PCDH7: variants seen among roughly 807,000 people sequenced by gnomAD.
The protein encoded by PCDH7 is protocadherin-7.
In PCDH7, 17 loss-of-function variants were observed where a neutral mutation model predicts 58.9. The observed-to-expected ratio is 0.29, with a 90% confidence interval of 0.20 to 0.43. PCDH7 has a LOEUF of 0.43. Among genes scored for constraint, PCDH7 ranks in the 20% least tolerant of loss-of-function variants. The pLI, the probability that PCDH7 is intolerant of heterozygous loss-of-function variation, is 1.00. For synonymous variants in PCDH7, 664 were observed against 616.4 expected (o/e 1.08, Z -1.14); for missense variants, 1,274 against 1,441.0 (o/e 0.88, Z 1.88).
Position 30,807,868 on chromosome 4 carries a change from C to T in PCDH7, c.70+83272C>T, listed in dbSNP as rs907064246. 5.3e-5 allele frequency among the ~76,000 whole-genome samples: 8 copies of T among 152,110 alleles called. No individual in the cohort carries two copies. The East Asian group carries it at 9.6e-4, about 18-fold the overall frequency. ...ATTTCATAAATTCTAAACTGAGATG[C>T]TTAATTAGAGCTTAAATTTATGGAG... On this transcript the variant is annotated intron_variant, in intron 1 of 3. Coordinates refer to the PCDH7 transcript ENST00000509759.
intron 1 of PCDH7, among the ~76,000 whole-genome samples, chr4:30,902,557 A>G (rs1740361970): frequency 6.6e-6 from 1 of 152,150 alleles, no homozygotes; most frequent in African/African-American, 2.4e-5. Context: ...AAACATTTTA[A>G]TAGGCTATAA....
chr4:31,016,955 A>G (rs1177959815), intron 3 of PCDH7, among the ~76,000 whole-genome samples: 5 of 146,714 alleles, frequency 3.4e-5, no homozygotes, highest in Non-Finnish European at 6.0e-5. Flanking sequence ...GGGTGTGTGT[A>G]TGTGTTTGTG....
chr4:31,144,470 G>A (rs1720546975), downstream of PCDH7: 1 of 152,164 alleles, frequency 6.6e-6, no homozygotes, highest in Non-Finnish European at 1.5e-5. Flanking sequence ...TCCATGGACA[G>A]AATAGGGAAT....
At position 30,722,323 on chromosome 4, in the gene PCDH7, G is replaced by A. The variant is rs764037023; in HGVS notation, c.901G>A (p.Val301Met). ...CATCCTACGGGTCCTCATCACCGAC[G>A]TGAACGACAACAGCCCCCGCTTCGA... The change falls in exon 1 of 2, where the codon GTG (valine) becomes ATG (methionine). Residue 301 changes from valine (V) to methionine (M), a missense_variant. Coordinates refer to ENST00000361762, the Ensembl canonical transcript of PCDH7. This position sits in a 1 kb window ranked among gnomAD's most constrained non-coding sequence, Gnocchi z 7.6. The A allele has an allele frequency of 1.9e-6, 3 of 1,610,420 alleles. No homozygotes were observed. The highest frequency in any genetic ancestry group is 2.2e-5 in the South Asian group (2 of 90,632).
At chr4:31,037,455 T>C (rs1755513138) in intron 3 of PCDH7, among the ~76,000 whole-genome samples, 1 of 152,214 alleles carries the variant, frequency 6.6e-6, no homozygotes, top group Non-Finnish European at 1.5e-5. Context: ...CTGGTCCCAC[T>C]ACACTGTGTT....
chr4:31,140,926 C>T (rs1161999579), intron 3 of PCDH7, among the ~76,000 whole-genome samples: 1 of 152,128 alleles, frequency 6.6e-6, no homozygotes, highest in Admixed American at 6.6e-5. Context: ...TCAGCTAATT[C>T]TAGATTTCCG....
intron 3 of PCDH7, among the ~76,000 whole-genome samples, chr4:30,981,178 A>G (rs1750530217): frequency 6.6e-6 from 1 of 152,186 alleles, no homozygotes; most frequent in African/African-American, 2.4e-5. Context: ...TTTAAAAGAA[A>G]AGTAGAGCTC....
At chr4:30,784,105 C>A (rs1723119871) in intron 1 of PCDH7, among the ~76,000 whole-genome samples, 1 of 152,130 alleles carries the variant, frequency 6.6e-6, no homozygotes, top group African/African-American at 2.4e-5. Flanking sequence ...AGCATATCTC[C>A]TCAGTGTCTG....
chr4:30,764,601 C>A (rs143252967), intron 1 of PCDH7, among the ~76,000 whole-genome samples: 1 of 152,254 alleles, frequency 6.6e-6, no homozygotes, highest in African/African-American at 2.4e-5. Context: ...ACTGTGTTAA[C>A]TTTGAAATAC....
intron 1 of PCDH7, among the ~76,000 whole-genome samples, chr4:30,810,660 G>A (rs1726876672): frequency 6.8e-6 from 1 of 146,580 alleles, no homozygotes; most frequent in Admixed American, 6.8e-5. Context: ...CACCCAGGCT[G>A]GAGTGCAGTG....
intron 3 of PCDH7, among the ~76,000 whole-genome samples, chr4:31,044,440 A>AT (rs1252852577): frequency 6.6e-6 from 1 of 152,028 alleles, no homozygotes; most frequent in Non-Finnish European, 1.5e-5. Flanking sequence ...CTCCCTTTTC[A>AT]TTTTTTTAAG....
At position 30,954,619 on chromosome 4, in the gene PCDH7, C is replaced by T. The variant is rs566135681; in HGVS notation, c.*7+4404C>T. Among the ~76,000 whole-genome samples, 409 of 152,220 alleles carry T rather than the reference C, an allele frequency of 2.7e-3. 2 individuals carry two copies. The highest frequency in any genetic ancestry group is 9.3e-3 in the African/African-American group (388 of 41,546). On this transcript the variant is annotated intron_variant, in intron 3 of 3. Coordinates refer to the PCDH7 transcript ENST00000509759. ...AAGGGGTATGCCATGTGCAACATGACAATTTGATACCTTTTACTCTGTCTT... is the reference window on the plus strand; with the variant it reads ...AAGGGGTATGCCATGTGCAACATGATAATTTGATACCTTTTACTCTGTCTT...
intron 1 of PCDH7, among the ~76,000 whole-genome samples, chr4:30,813,903 G>A (rs1055740550): frequency 3.9e-5 from 6 of 152,184 alleles, no homozygotes; most frequent in Non-Finnish European, 5.9e-5. Context: ...GCCTCCCAAA[G>A]TGCTGGGATT....
At chr4:31,129,591 T>C (rs780863633) in intron 3 of PCDH7, among the ~76,000 whole-genome samples, 4 of 152,084 alleles carry the variant, frequency 2.6e-5, no homozygotes, top group Non-Finnish European at 4.4e-5. Flanking sequence ...TACTTACAAT[T>C]CCTAAAATAA....
At position 30,722,421 on chromosome 4, in the gene PCDH7, C is replaced by T. The variant is rs761891699; in HGVS notation, c.999C>T (p.Ala333=). ...CCCCCATCCTGCAACTGCGCGCAGCCGACTTGGACGTGGGGGTCAACGGGC... is the reference window on the plus strand; with the variant it reads ...CCCCCATCCTGCAACTGCGCGCAGCTGACTTGGACGTGGGGGTCAACGGGC... Residue 333 remains alanine, a synonymous_variant, in exon 1 of 2, where the codon GCC becomes GCT. Transcript: ENST00000361762. The surrounding 1 kb of genome is among the most constrained non-coding windows in gnomAD (Gnocchi z 7.6). The T allele has an allele frequency of 3.2e-5, 52 of 1,612,536 alleles. No homozygotes were observed. The East Asian group carries it at 1.1e-3, about 35-fold the overall frequency.
At chr4:30,931,888 G>A (rs1397546946) in intron 2 of PCDH7, among the ~76,000 whole-genome samples, 1 of 148,076 alleles carries the variant, frequency 6.8e-6, no homozygotes, top group Non-Finnish European at 1.5e-5. Context: ...CTGTGTAATA[G>A]CTTTTGCTGT....
intron 1 of PCDH7, among the ~76,000 whole-genome samples, chr4:30,816,503 T>C (rs1033082772): frequency 6.6e-6 from 1 of 152,130 alleles, no homozygotes; most frequent in Non-Finnish European, 1.5e-5. Flanking sequence ...TTAAATTAAA[T>C]CTGTGCTGTA....
chr4:30,960,417 A>G (rs1177930258), intron 3 of PCDH7, among the ~76,000 whole-genome samples: 1 of 152,172 alleles, frequency 6.6e-6, no homozygotes, highest in African/African-American at 2.4e-5. Context: ...AATGAGCAAA[A>G]TGCTACCCTG....
At chr4:30,930,039 C>T (rs1019067625) in intron 2 of PCDH7, among the ~76,000 whole-genome samples, 10 of 152,208 alleles carry the variant, frequency 6.6e-5, no homozygotes, top group African/African-American at 2.4e-4. Context: ...GACACAGGCT[C>T]TGTTTGCTAA....
Sources: allele counts gnomAD v4.1 joint callset (sites outside exome capture counted in the v4.1 genomes callset), GRCh38; gene constraint gnomAD v4.1.1; non-coding constraint Gnocchi (gnomAD v3.1); transcripts MANE v1.5; gene names NCBI Gene and HGNC (gene_info 2026-07-23, HGNC 2026-07-21).